SMDT1: variants seen among roughly 807,000 people sequenced by gnomAD.
The protein encoded by SMDT1 is single-pass membrane protein with aspartate rich tail 1.
SMDT1 carries 6 observed loss-of-function variants against 5.9 expected under a neutral mutation model. The observed-to-expected ratio is 1.03, with a 90% CI of 0.56 to 2.02. SMDT1 has a LOEUF of 2.02. Among genes scored for constraint, SMDT1 ranks in the 30% most tolerant of loss-of-function variants. SMDT1 has a pLI of 0.00. For missense variants in SMDT1, 159 were observed against 145.6 expected (o/e 1.09, Z -0.47); for synonymous variants, 81 against 62.4 (o/e 1.30, Z -1.40).
intron 1 of SMDT1, among the ~76,000 whole-genome samples, 200 bp from the exon 2 acceptor site, chr22:42,081,725 G>A (rs1434468201): frequency 6.6e-6 from 1 of 152,178 alleles, no homozygotes; most frequent in East Asian, 1.9e-4. Flanking sequence ...GCCTCCCAAA[G>A]TGCTGGGATT....
intron 2 of SMDT1, 92 bp downstream of exon 2, chr22:42,082,157 G>C (rs1479046517): frequency 1.3e-6 from 2 of 1,501,486 alleles, no homozygotes; most frequent in Non-Finnish European, 1.8e-6. Context: ...TTGGACACTG[G>C]GGGCAGAAGC....
Position 42,079,947 on chromosome 22 carries a change from C to A in SMDT1, c.179C>A (p.Pro60Gln), listed in dbSNP as rs1370431389. 2 of 1,611,420 alleles carry A rather than the reference C, an allele frequency of 1.2e-6. No individual in the cohort carries two copies. The highest frequency in any genetic ancestry group is 2.7e-5 in the African/African-American group (2 of 74,866). Reference sequence around the variant, plus strand: ...CGCAGCGGCGCCATTTTGCCCAAACCGGTGAAAGTGAGTGTCCTCCTGGAG... The same window carrying A: ...CGCAGCGGCGCCATTTTGCCCAAACAGGTGAAAGTGAGTGTCCTCCTGGAG... ...VTRSGAILPKPVKMSFGLLRV... is the reference protein window; with the variant it reads ...VTRSGAILPKQVKMSFGLLRV... The change falls in exon 1 of 3, where the codon CCG becomes CAG. Residue 60 changes from proline (P) to glutamine (Q), a missense_variant. Transcript: ENST00000331479.
At position 42,083,316 on chromosome 22, in the gene SMDT1, ACAAG is replaced by A. The variant is rs1335106617; in HGVS notation, c.*205_*208del. ...GTGCTGTCCACTAAGCACTGCACAA[ACAAG>A]CAATCAAATTATGAATAAACATAAT... On this transcript the variant is annotated 3_prime_UTR_variant, in exon 3 of 3. Transcript: ENST00000331479. 2.6e-5 allele frequency: 4 copies of A among 152,392 alleles called. No individual in the cohort carries two copies. The highest frequency in any genetic ancestry group is 2.1e-4 in the South Asian group (1 of 4,832). 9.4% of individuals were successfully genotyped at this position (152,392 alleles called of 1,614,324 possible).
At position 42,079,912 on chromosome 22, in the gene SMDT1, C is replaced by T; in HGVS notation, c.144C>T (p.Val48=). 2 of 1,613,510 alleles carry T rather than the reference C, an allele frequency of 1.2e-6. No homozygotes were observed. The highest frequency in any genetic ancestry group is 1.7e-6 in the Non-Finnish European group (2 of 1,179,784). ...SGRSLVPSRS[V]IVTRSGAILP... ...GGAGCCTGGTACCGTCGAGGTCAGT[C>T]ATCGTTACCCGCAGCGGCGCCATTT... The change falls in exon 1 of 3, where the codon GTC becomes GTT. Residue 48 remains valine (V), a synonymous_variant. Coordinates refer to ENST00000331479, the MANE Select transcript of SMDT1 (RefSeq NM_033318.5).
intron 1 of SMDT1, among the ~76,000 whole-genome samples, chr22:42,080,626 C>A (rs1276079673): frequency 6.6e-6 from 1 of 152,138 alleles, no homozygotes; most frequent in Non-Finnish European, 1.5e-5. Context: ...CGAAAGTTTG[C>A]TTTACGACTG....
chr22:42,079,757 G>A lies in SMDT1; in HGVS notation c.-12G>A, dbSNP rs1272751478. ...GGGTGCGGGTGCCCGGGTGAGGGGC[G>A]GAGCTGGGGGCATGGCGTCCGGAGC... On this transcript the variant is annotated 5_prime_UTR_variant, in exon 1 of 3. Coordinates refer to ENST00000331479, the MANE Select transcript of SMDT1 (RefSeq NM_033318.5). 6 of 1,598,856 alleles carry A rather than the reference G, an allele frequency of 3.8e-6. No homozygotes were observed. The highest frequency in any genetic ancestry group is 5.1e-6 in the Non-Finnish European group (6 of 1,175,190).
chr22:42,080,830 A>G (rs1927726283), intron 1 of SMDT1, among the ~76,000 whole-genome samples: 1 of 152,262 alleles, frequency 6.6e-6, no homozygotes, highest in Non-Finnish European at 1.5e-5. Context: ...CTCCCAATCC[A>G]TCTAAAGTCT....
Position 42,083,307 on chromosome 22 carries a change from A to T in SMDT1, c.*192A>T, listed in dbSNP as rs1927923204. The T allele has an allele frequency of 6.6e-6, 1 of 152,618 alleles. No individual in the cohort carries two copies. The highest frequency in any genetic ancestry group is 1.5e-5 in the Non-Finnish European group (1 of 68,030). The allele number at this position is 152,618 out of a possible 1,614,324, so 9.5% of individuals were successfully genotyped here. A position where few individuals can be genotyped will look rare whatever the true frequency, so the allele number is the denominator to read the frequency against. On this transcript the variant is annotated 3_prime_UTR_variant, in exon 3 of 3. Coordinates refer to ENST00000331479, the MANE Select transcript of SMDT1 (RefSeq NM_033318.5). ...CCCTGAGATGTGCTGTCCACTAAGCACTGCACAAACAAGCAATCAAATTAT... is the reference window on the plus strand; with the variant it reads ...CCCTGAGATGTGCTGTCCACTAAGCTCTGCACAAACAAGCAATCAAATTAT...
chr22:42,079,951 G>C lies in SMDT1; in HGVS notation c.183G>C (p.Val61=), dbSNP rs1322081646. ...GCGGCGCCATTTTGCCCAAACCGGTGAAAGTGAGTGTCCTCCTGGAGACGG... is the reference window on the plus strand; with the variant it reads ...GCGGCGCCATTTTGCCCAAACCGGTCAAAGTGAGTGTCCTCCTGGAGACGG... ...TRSGAILPKP[V]KMSFGLLRVF... Residue 61 remains valine, a synonymous_variant, in exon 1 of 3, where the codon GTG becomes GTC. Coordinates refer to ENST00000331479, the MANE Select transcript of SMDT1 (RefSeq NM_033318.5). 6.2e-7 allele frequency: 1 copy of C among 1,611,036 alleles called. No homozygotes were observed. The highest frequency in any genetic ancestry group is 1.1e-5 in the South Asian group (1 of 90,818).
intron 1 of SMDT1, 51 bp from the exon 2 acceptor site, chr22:42,081,874 C>G: frequency 6.2e-7 from 1 of 1,608,216 alleles, no homozygotes. Context: ...CTTCTTTGGT[C>G]CTGCCAGAGT....
rs769750247 is a variant in SMDT1, at chr22:42,079,925, A to C, written c.157A>C (p.Ser53Arg). Residue 53 changes from serine to arginine, a missense_variant, in exon 1 of 3, where the codon AGC (serine) becomes CGC (arginine). Transcript: ENST00000331479. ...GTCGAGGTCAGTCATCGTTACCCGC[A>C]GCGGCGCCATTTTGCCCAAACCGGT... is the stretch of plus-strand genomic sequence containing the variant. ...VPSRSVIVTR[S>R]GAILPKPVKM... is the part of the protein sequence containing the mutation. 6.2e-7 allele frequency: 1 copy of C among 1,613,324 alleles called. No individual in the cohort carries two copies. Among genetic ancestry groups the C allele is most frequent in the Admixed American group, 1.7e-5 (1 of 59,862 alleles).
At chr22:42,082,241 G>T in intron 2 of SMDT1, 176 bp downstream of exon 2, 1 of 764,748 alleles carries the variant, frequency 1.3e-6, no homozygotes, top group Non-Finnish European at 2.1e-6. Flanking sequence ...CGCTCTTGTT[G>T]CCCAGGCTGG....
At chr22:42,082,136 G>A in intron 2 of SMDT1, 71 bp downstream of exon 2, 1 of 1,577,618 alleles carries the variant, frequency 6.3e-7, no homozygotes, top group South Asian at 1.1e-5. Flanking sequence ...AGTCTGGCCT[G>A]GTAGCAGCAT....
chr22:42,079,809 T>A lies in SMDT1; in HGVS notation c.41T>A (p.Val14Asp), dbSNP rs1227770957. 1 of 1,611,754 alleles carries A rather than the reference T, an allele frequency of 6.2e-7. No individual in the cohort carries two copies. Among genetic ancestry groups the A allele is most frequent in the South Asian group, 1.1e-5 (1 of 91,042 alleles). The change falls in exon 1 of 3, where the codon GTC (valine) becomes GAC (aspartate). Residue 14 changes from valine (V) to aspartate (D), a missense_variant. Val to Asp is a radical substitution (Grantham distance 152). Coordinates refer to ENST00000331479, the MANE Select transcript of SMDT1 (RefSeq NM_033318.5). ...GAARWLVLAP[V>D]RSGALRSGPS... is the part of the protein sequence containing the mutation. ...GCTCGCTGGCTAGTATTGGCACCCGTCAGGTCCGGGGCTCTCCGGAGCGGG... is the reference window on the plus strand; with the variant it reads ...GCTCGCTGGCTAGTATTGGCACCCGACAGGTCCGGGGCTCTCCGGAGCGGG...
Position 42,079,916 on chromosome 22 carries a change from G to C in SMDT1, c.148G>C (p.Val50Leu). Residue 50 changes from valine to leucine, a missense_variant, in exon 1 of 3, where the codon GTT (valine) becomes CTT (leucine). Physicochemically the swap from Val to Leu is conservative, Grantham distance 32. Coordinates refer to ENST00000331479, the MANE Select transcript of SMDT1 (RefSeq NM_033318.5). Reference protein sequence around the residue: ...RSLVPSRSVIVTRSGAILPKP... With the variant: ...RSLVPSRSVILTRSGAILPKP... ...CCTGGTACCGTCGAGGTCAGTCATC[G>C]TTACCCGCAGCGGCGCCATTTTGCC... 1 of 1,613,478 alleles carries C rather than the reference G, an allele frequency of 6.2e-7. No homozygotes were observed. Among genetic ancestry groups the C allele is most frequent in the Non-Finnish European group, 8.5e-7 (1 of 1,179,754 alleles).
intron 1 of SMDT1, among the ~76,000 whole-genome samples, chr22:42,080,478 C>CT (rs1193593871): frequency 6.6e-6 from 1 of 152,112 alleles, no homozygotes; most frequent in African/African-American, 2.4e-5. Context: ...AAGCTCGTAT[C>CT]CAAGGCCAGC....
At chr22:42,081,225 G>C (rs1336743337) in intron 1 of SMDT1, among the ~76,000 whole-genome samples, 1 of 151,782 alleles carries the variant, frequency 6.6e-6, no homozygotes, top group Non-Finnish European at 1.5e-5. Flanking sequence ...GAGTACAGTG[G>C]CACAATCTTG....
Position 42,079,893 on chromosome 22 carries a change from T to G in SMDT1, c.125T>G (p.Leu42Arg). The G allele has an allele frequency of 6.2e-7, 1 of 1,614,166 alleles. No homozygotes were observed. The highest frequency in any genetic ancestry group is 8.5e-7 in the Non-Finnish European group (1 of 1,180,008). Reference protein sequence around the residue: ...SAAWSGSGRSLVPSRSVIVTR... With the variant: ...SAAWSGSGRSRVPSRSVIVTR... ...GCATGGAGCGGCTCAGGCCGGAGCC[T>G]GGTACCGTCGAGGTCAGTCATCGTT... Residue 42 changes from leucine (L) to arginine (R), a missense_variant, in exon 1 of 3, where the codon CTG becomes CGG. Coordinates refer to ENST00000331479, the MANE Select transcript of SMDT1 (RefSeq NM_033318.5).
In SMDT1 at chr22:42,079,878, G is replaced by C; in HGVS notation, c.110G>C (p.Gly37Ala). Residue 37 changes from glycine (G) to alanine (A), a missense_variant, in exon 1 of 3, where the codon GGC becomes GCC. Transcript: ENST00000331479. ...GGCGATGTCTCCGCCGCATGGAGCG[G>C]CTCAGGCCGGAGCCTGGTACCGTCG... is the stretch of plus-strand genomic sequence containing the variant. ...KDGDVSAAWS[G>A]SGRSLVPSRS... 6.2e-7 allele frequency: 1 copy of C among 1,614,238 alleles called. No homozygotes were observed. The highest frequency in any genetic ancestry group is 8.5e-7 in the Non-Finnish European group (1 of 1,180,042).
Sources: gnomAD v4.1 joint callset for allele counts (sites outside exome capture counted in the v4.1 genomes callset) on GRCh38, gnomAD v4.1.1 for gene constraint, MANE v1.5 for transcripts, NCBI Gene and HGNC (gene_info 2026-07-23, HGNC 2026-07-21) for gene names.